Variants in SLC39A9 observed in about 807,000 individuals in gnomAD.
SLC39A9 encodes zinc transporter ZIP9.
In SLC39A9, 14 loss-of-function variants were observed where a neutral mutation model predicts 28.4. That is an observed-to-expected ratio of 0.49 (90% CI 0.33 to 0.77). The LOEUF is 0.77. SLC39A9 is among the 30% of genes least tolerant of loss of function. The probability of loss-of-function intolerance (pLI) is 0.02; values close to 1 mark genes in which losing one functional copy is unlikely to be tolerated. For missense variants in SLC39A9, 283 were observed against 381.1 expected, an observed-to-expected ratio of 0.74 and a Z score of 2.14; for synonymous variants, 119 against 149.6, an observed-to-expected ratio of 0.80 and a Z score of 1.49.
At chr14:69,457,437 G>A (rs531245737) in intron 6 of SLC39A9, among the ~76,000 whole-genome samples, 38 of 151,754 alleles carry the variant, frequency 2.5e-4, no homozygotes, top group South Asian at 1.0e-3. Context: ...TCCTGACCTC[G>A]TGATCCGCCC....
intron 1 of SLC39A9, among the ~76,000 whole-genome samples, chr14:69,408,685 C>T (rs1489336149): frequency 1.3e-5 from 2 of 152,190 alleles, no homozygotes; most frequent in Non-Finnish European, 2.9e-5. Flanking sequence ...GTGGGCCAAA[C>T]AACCCATGTT....
Position 69,460,158 on chromosome 14 carries a change from G to A in SLC39A9, c.*1565G>A. ...CATTTCAAAACACATTACACTAAGGGGGAACCAAGACTAGTTTCTTCAGGG... is the reference window on the plus strand; with the variant it reads ...CATTTCAAAACACATTACACTAAGGAGGAACCAAGACTAGTTTCTTCAGGG... On this transcript the variant is annotated 3_prime_UTR_variant, in exon 7 of 7. Transcript: ENST00000336643. 1 of 985,580 alleles carries A rather than the reference G, an allele frequency of 1.0e-6. No individual in the cohort carries two copies. Among genetic ancestry groups the A allele is most frequent in the Non-Finnish European group, 1.2e-6 (1 of 829,784 alleles). 61.1% of individuals were successfully genotyped at this position (985,580 alleles called of 1,614,324 possible).
intron 2 of SLC39A9, among the ~76,000 whole-genome samples, chr14:69,439,197 G>A (rs1015098855): frequency 2.0e-5 from 3 of 152,132 alleles, no homozygotes; most frequent in African/African-American, 7.2e-5. Flanking sequence ...AGCATCAGAG[G>A]GGGAGGGAAA....
intron 3 of SLC39A9, among the ~76,000 whole-genome samples, chr14:69,442,627 G>C (rs1885103235): frequency 6.6e-6 from 1 of 152,130 alleles, no homozygotes; most frequent in African/African-American, 2.4e-5. Context: ...TAAGATCAAA[G>C]AGAAAACCAC....
chr14:69,430,716 G>A (rs1029925735), intron 2 of SLC39A9, among the ~76,000 whole-genome samples: 1 of 147,070 alleles, frequency 6.8e-6, no homozygotes, highest in East Asian at 2.0e-4. Flanking sequence ...CTGTGACCTT[G>A]AACTCCTGTG....
At chr14:69,416,706 A>G (rs991700901) in intron 1 of SLC39A9, among the ~76,000 whole-genome samples, 5 of 152,094 alleles carry the variant, frequency 3.3e-5, no homozygotes, top group African/African-American at 1.2e-4. Context: ...TTTGATTTGC[A>G]TTTCTCTGAT....
At chr14:69,410,624 T>C (rs920633737) in intron 1 of SLC39A9, among the ~76,000 whole-genome samples, 1 of 152,222 alleles carries the variant, frequency 6.6e-6, no homozygotes, top group Non-Finnish European at 1.5e-5. Flanking sequence ...TTATTATCTG[T>C]TACTAACACT....
At chr14:69,454,158 C>G (rs1271244049) in intron 4 of SLC39A9, among the ~76,000 whole-genome samples, 14 of 152,242 alleles carry the variant, frequency 9.2e-5, no homozygotes, top group Admixed American at 9.2e-4. Context: ...AGGTGGTACA[C>G]TGTTACCTGG....
intron 1 of SLC39A9, among the ~76,000 whole-genome samples, chr14:69,417,489 G>GT (rs1883642644): frequency 6.6e-6 from 1 of 152,180 alleles, no homozygotes; most frequent in Non-Finnish European, 1.5e-5. Flanking sequence ...CTTTAAAGTA[G>GT]TTTTTTCCAA....
chr14:69,460,735 TC>T lies in SLC39A9; in HGVS notation c.*2146del, dbSNP rs2139466446. On this transcript the variant is annotated 3_prime_UTR_variant, in exon 7 of 7. Transcript: ENST00000336643. ...AACCATCTGACTTCCAAATTTGCCTTCCCCTCTGGACCTCACTATTAACAAG... is the reference window on the plus strand; with the variant it reads ...AACCATCTGACTTCCAAATTTGCCTTCCCTCTGGACCTCACTATTAACAAG... 2 of 985,474 alleles carry T rather than the reference TC, an allele frequency of 2.0e-6. No homozygotes were observed. The highest frequency in any genetic ancestry group is 1.1e-4 in the East Asian group (1 of 8,820). The allele number at this position is 985,474 out of a possible 1,614,324, so 61.0% of individuals were successfully genotyped here. A position where few individuals can be genotyped will look rare whatever the true frequency, so the allele number is the denominator to read the frequency against.
intron 1 of SLC39A9, among the ~76,000 whole-genome samples, chr14:69,414,089 C>T (rs1385405184): frequency 2.1e-5 from 3 of 141,914 alleles, no homozygotes; most frequent in South Asian, 4.4e-4. Context: ...ATCGCTCTGT[C>T]ACCCAGGCTG....
chr14:69,456,950 G>C (rs1043421635), intron 6 of SLC39A9, among the ~76,000 whole-genome samples: 2 of 152,168 alleles, frequency 1.3e-5, no homozygotes, highest in Non-Finnish European at 2.9e-5. Context: ...TCAGTGAGCA[G>C]TATGTTGTTC....
chr14:69,417,593 T>C (rs1232413216), intron 1 of SLC39A9, among the ~76,000 whole-genome samples: 1 of 152,264 alleles, frequency 6.6e-6, no homozygotes, highest in Non-Finnish European at 1.5e-5. Flanking sequence ...TATTGATTCT[T>C]CCTATCCATG....
intron 2 of SLC39A9, among the ~76,000 whole-genome samples, chr14:69,425,673 A>G (rs1490010305): frequency 2.7e-5 from 4 of 146,880 alleles, no homozygotes; most frequent in Non-Finnish European, 6.0e-5. Context: ...TTTTTTTTTT[A>G]TTTGTTTGTT....
chr14:69,415,871 G>C (rs1229385435), intron 1 of SLC39A9, among the ~76,000 whole-genome samples: 1 of 152,102 alleles, frequency 6.6e-6, no homozygotes, highest in African/African-American at 2.4e-5. Context: ...CAGAAGTTCA[G>C]TAATGTATCA....
chr14:69,436,967 A>T (rs1327504181), intron 2 of SLC39A9, among the ~76,000 whole-genome samples: 1 of 152,178 alleles, frequency 6.6e-6, no homozygotes. Flanking sequence ...TCCCGGGTTC[A>T]TGCCATTCTC....
chr14:69,427,559 C>T (rs75505573), intron 2 of SLC39A9, among the ~76,000 whole-genome samples: 4,705 of 152,200 alleles, frequency 0.031, 209 homozygotes, highest in African/African-American at 0.1. Flanking sequence ...AGTTTTGTCA[C>T]CCTAAAAAGT....
In SLC39A9 at chr14:69,460,242, G is replaced by A. The variant is rs11537776; in HGVS notation, c.*1649G>A. Reference sequence around the variant, plus strand: ...ATGACGCATAAGCTAGCATGCCTATGATTTATTTCCTTCATGAATTTGTCA... The same window carrying A: ...ATGACGCATAAGCTAGCATGCCTATAATTTATTTCCTTCATGAATTTGTCA... On this transcript the variant is annotated 3_prime_UTR_variant, in exon 7 of 7. Transcript: ENST00000336643. 0.046 allele frequency: 45,412 copies of A among 985,802 alleles called. 1,066 individuals carry two copies. Among genetic ancestry groups the A allele is most frequent in the East Asian group, 0.084 (737 of 8,810 alleles). The allele number at this position is 985,802 out of a possible 1,614,324, so 61.1% of individuals were successfully genotyped here. A position where few individuals can be genotyped will look rare whatever the true frequency, so the allele number is the denominator to read the frequency against.
At chr14:69,407,918 CCGCACCCGGCCCTG>C (rs1341253308) in intron 1 of SLC39A9, among the ~76,000 whole-genome samples, 2 of 152,234 alleles carry the variant, frequency 1.3e-5, no homozygotes, top group Non-Finnish European at 1.5e-5. Context: ...GCATGAGCCA[CCGCACCCGGCCCTG>C]CTATTATATT....
Sources: gnomAD v4.1 joint callset for allele counts (sites outside exome capture counted in the v4.1 genomes callset) on GRCh38, gnomAD v4.1.1 for gene constraint, MANE v1.5 for transcripts, NCBI Gene and HGNC (gene_info 2026-07-23, HGNC 2026-07-21) for gene names.